The following CD96 variants were observed in gnomAD, a reference collection of about 807,000 sequenced individuals.
CD96 encodes the protein T-cell surface protein tactile.
CD96 carries 70 observed loss-of-function variants against 71.3 expected under a neutral mutation model. The ratio of observed to expected loss-of-function variants is 0.98; its 90% CI spans 0.81 to 1.20. The LOEUF is 1.20. CD96 is among the 50% of genes most tolerant of loss of function. The pLI, the probability that CD96 is intolerant of heterozygous loss-of-function variation, is 0.00. For synonymous variants in CD96, 248 were observed against 233.0 expected (o/e 1.06, Z -0.59); for missense variants, 742 against 677.5 (o/e 1.10, Z -1.06).
chr3:111,633,885 A>T (rs1440785964), intron 10 of CD96: 1 of 152,638 alleles, frequency 6.6e-6, no homozygotes, highest in African/African-American at 2.4e-5. Context: ...GTTCAAGGAC[A>T]AAATCGAAAA....
In CD96 at chr3:111,542,254, G is replaced by GA. The variant is rs756469053; in HGVS notation, c.12dup (p.Trp5MetfsTer36). The GA allele has an allele frequency of 4.3e-5, 69 of 1,613,016 alleles. No individual in the cohort carries two copies. The highest frequency in any genetic ancestry group is 5.3e-5 in the Non-Finnish European group (63 of 1,179,098). ...TGTAAGGTGTTCAGAAGACAATGGA[G>GA]AAAAAATGGAAATACTGTGCTGTCT... On this transcript the variant is annotated frameshift_variant, in exon 1 of 14. Coordinates refer to ENST00000352690, the MANE Select transcript of CD96 (RefSeq NM_005816.5). LOFTEE classifies it high-confidence loss of function.
chr3:111,633,536 G>A (rs1039713522), intron 10 of CD96: 2 of 152,186 alleles, frequency 1.3e-5, no homozygotes, highest in Non-Finnish European at 2.9e-5. Context: ...AACAAATGCA[G>A]TATCTGTGTC....
At chr3:111,637,475 C>CA (rs879827520) in intron 11 of CD96, among the ~76,000 whole-genome samples, 5 of 151,848 alleles carry the variant, frequency 3.3e-5, no homozygotes, top group Admixed American at 2.0e-4. Flanking sequence ...ATTTTATTTC[C>CA]AAAAAAATCT....
At chr3:111,648,055 T>C (rs980170926) in intron 13 of CD96, among the ~76,000 whole-genome samples, 1 of 152,156 alleles carries the variant, frequency 6.6e-6, no homozygotes, top group Admixed American at 6.5e-5. Context: ...AAGTGTGAAA[T>C]TGAGTGAGAA....
At chr3:111,561,858 G>A (rs1360579543) in intron 2 of CD96, among the ~76,000 whole-genome samples, 6 of 151,062 alleles carry the variant, frequency 4.0e-5, no homozygotes, top group South Asian at 2.1e-4. Flanking sequence ...AGCAATCAGC[G>A]AGATTCCGTG....
chr3:111,552,053 T>C (rs1450073904), intron 2 of CD96, among the ~76,000 whole-genome samples: 2 of 152,310 alleles, frequency 1.3e-5, no homozygotes, highest in East Asian at 1.9e-4. Context: ...TTATCAGTGA[T>C]GTTGAGCTTT....
chr3:111,574,961 T>C (rs2107571529), intron 3 of CD96, among the ~76,000 whole-genome samples: 1 of 151,968 alleles, frequency 6.6e-6, no homozygotes, highest in South Asian at 2.1e-4. Context: ...CTTTTTTTTT[T>C]TTTTGTATTT....
intron 8 of CD96, among the ~76,000 whole-genome samples, chr3:111,611,359 A>C (rs906600869): frequency 6.6e-6 from 1 of 152,228 alleles, no homozygotes; most frequent in African/African-American, 2.4e-5. Flanking sequence ...ATGAGTAAGC[A>C]TGTCAGAAAT....
intron 10 of CD96, among the ~76,000 whole-genome samples, chr3:111,632,974 C>A (rs1437134902): frequency 6.6e-6 from 1 of 152,206 alleles, no homozygotes; most frequent in Non-Finnish European, 1.5e-5. Context: ...ATAACTTTTT[C>A]TTTGCATTCA....
chr3:111,626,188 C>T (rs1430763783), intron 10 of CD96, among the ~76,000 whole-genome samples: 1 of 151,084 alleles, frequency 6.6e-6, no homozygotes, highest in African/African-American at 2.4e-5. Context: ...GTAGTCCCAG[C>T]TACTCGGGAG....
chr3:111,623,518 A>C lies in CD96; in HGVS notation c.1181-236A>C, dbSNP rs533029573. 2.5e-4 allele frequency among the ~76,000 whole-genome samples: 38 copies of C among 152,320 alleles called. 1 individual carries two copies. Among genetic ancestry groups the C allele is most frequent in the African/African-American group, 8.7e-4 (36 of 41,572 alleles). On this transcript the variant is annotated intron_variant, in intron 8 of 13. Coordinates refer to ENST00000352690, the MANE Select transcript of CD96 (RefSeq NM_005816.5). ...GAAATAATATATTTTGAAAGTATGA[A>C]TATAATACATTTAGAATTAGGAAAC...
At chr3:111,642,805 T>TA (rs200092300) in intron 12 of CD96, among the ~76,000 whole-genome samples, 8 of 146,704 alleles carry the variant, frequency 5.5e-5, no homozygotes, top group South Asian at 2.1e-4. Flanking sequence ...AGACTCCGCC[T>TA]AAAAAAAAAA....
intron 2 of CD96, among the ~76,000 whole-genome samples, chr3:111,562,899 T>G (rs1019777206): frequency 2.0e-5 from 3 of 152,226 alleles, no homozygotes; most frequent in Non-Finnish European, 4.4e-5. Flanking sequence ...CTGTCTTTGT[T>G]TTGTGCTGCT....
At chr3:111,591,335 T>C (rs1936972412) in intron 5 of CD96, among the ~76,000 whole-genome samples, 1 of 129,660 alleles carries the variant, frequency 7.7e-6, no homozygotes, top group Admixed American at 1.0e-4. Flanking sequence ...ATCGCGCCAC[T>C]GCACTCCTGC....
intron 14 of CD96, among the ~76,000 whole-genome samples, chr3:111,658,167 C>T (rs561488454): frequency 5.3e-5 from 8 of 152,248 alleles, no homozygotes; most frequent in South Asian, 2.1e-4. Flanking sequence ...AGTCCAAAAA[C>T]TGCTAGGGTA....
At chr3:111,664,896 T>C (rs1167164966) in intron 14 of CD96, among the ~76,000 whole-genome samples, 1 of 152,208 alleles carries the variant, frequency 6.6e-6, no homozygotes, top group African/African-American at 2.4e-5. Flanking sequence ...GATGACTAGA[T>C]AAAAGTATTT....
In CD96 at chr3:111,571,284, T is replaced by C. The variant is rs139079772; in HGVS notation, c.543+3637T>C. Among the ~76,000 whole-genome samples, 682 of 149,706 alleles carry C rather than the reference T, an allele frequency of 4.6e-3. 3 individuals carry two copies. The highest frequency in any genetic ancestry group is 0.016 in the African/African-American group (636 of 40,472). On this transcript the variant is annotated intron_variant, in intron 3 of 13. Transcript: ENST00000352690. ...TCTAGTATAGAGTCTAGAGCATAGG[T>C]ACTCATAAATACTTAATAAATACTT...
chr3:111,619,047 T>C (rs1042631051), intron 8 of CD96, among the ~76,000 whole-genome samples: 2 of 152,248 alleles, frequency 1.3e-5, no homozygotes, highest in Non-Finnish European at 2.9e-5. Context: ...ATAGGTCTTC[T>C]AGCCTTCCTC....
chr3:111,624,596 CTGAT>C (rs1422429893), intron 10 of CD96, among the ~76,000 whole-genome samples, 192 bp downstream of exon 10: 2 of 152,094 alleles, frequency 1.3e-5, no homozygotes, highest in Non-Finnish European at 2.9e-5. Context: ...GCTCCAAATT[CTGAT>C]TAAGGGGAGA....
Sources: gnomAD v4.1 joint callset for allele counts (sites outside exome capture counted in the v4.1 genomes callset) on GRCh38, gnomAD v4.1.1 for gene constraint, MANE v1.5 for transcripts, NCBI Gene and HGNC (gene_info 2026-07-23, HGNC 2026-07-21) for gene names.